Variants in PRKN observed in about 807,000 individuals in gnomAD.
PRKN encodes parkin RBR E3 ubiquitin protein ligase.
Under a neutral mutation model 59.5 loss-of-function variants are expected in PRKN, and 56 were observed. That is an observed-to-expected ratio of 0.94 (90% confidence interval 0.76 to 1.18). The LOEUF (loss-of-function observed/expected upper bound fraction) is 1.18. Among genes scored for constraint, PRKN ranks in the 50% most tolerant of loss-of-function variants. The probability of loss-of-function intolerance (pLI) is 0.00; values close to 1 mark genes in which losing one functional copy is unlikely to be tolerated. For synonymous variants in PRKN, 250 were observed against 222.1 expected, an observed-to-expected ratio of 1.13 and a Z score of -1.12; for missense variants, 657 against 596.4, an observed-to-expected ratio of 1.10 and a Z score of -1.06.
intron 1 of PRKN, among the ~76,000 whole-genome samples, chr6:162,518,541 T>A (rs114023397): frequency 0.09 from 13,615 of 151,944 alleles, 662 homozygotes; most frequent in South Asian, 0.17. Context: ...TAATTTTTGT[T>A]TTTGTAGTAG....
chr6:162,414,358 G>A (rs1436697661), intron 2 of PRKN, among the ~76,000 whole-genome samples: 1 of 151,972 alleles, frequency 6.6e-6, no homozygotes, highest in African/African-American at 2.4e-5. Context: ...GGTTTGAACG[G>A]CTGTTAGGAC....
intron 6 of PRKN, among the ~76,000 whole-genome samples, chr6:161,786,267 C>T (rs890202945): frequency 7.2e-5 from 11 of 152,164 alleles, no homozygotes; most frequent in Middle Eastern, 3.4e-3. Context: ...TCTATTGATC[C>T]GTTATTACAC....
At chr6:161,912,821 G>C (rs1339877650) in intron 6 of PRKN, among the ~76,000 whole-genome samples, 3 of 152,080 alleles carry the variant, frequency 2.0e-5, no homozygotes, top group Admixed American at 2.0e-4. Flanking sequence ...CTGTCCTCAT[G>C]GGGCCCTTTC....
At chr6:162,151,730 AAAAG>A (rs1427974946) in intron 4 of PRKN, among the ~76,000 whole-genome samples, 1 of 152,230 alleles carries the variant, frequency 6.6e-6, no homozygotes, top group Non-Finnish European at 1.5e-5. Flanking sequence ...CACTTTAAGA[AAAAG>A]AAAGAGAGAC....
chr6:162,709,416 T>A (rs1161551558), intron 1 of PRKN, among the ~76,000 whole-genome samples: 1 of 151,708 alleles, frequency 6.6e-6, no homozygotes, highest in Non-Finnish European at 1.5e-5. Context: ...CTTCTCAGGT[T>A]GCTTTCGCAG....
chr6:162,044,833 T>C (rs1413603150), intron 5 of PRKN, among the ~76,000 whole-genome samples: 1 of 152,232 alleles, frequency 6.6e-6, no homozygotes, highest in African/African-American at 2.4e-5. Context: ...TTGTGTTTTC[T>C]GAACTCCATA....
chr6:162,712,970 T>G (rs1778591151), intron 1 of PRKN, among the ~76,000 whole-genome samples: 1 of 152,318 alleles, frequency 6.6e-6, no homozygotes, highest in Middle Eastern at 3.4e-3. Flanking sequence ...TTACCACCAC[T>G]TCACCACACT....
At chr6:161,787,324 A>T (rs956170796) in intron 6 of PRKN, among the ~76,000 whole-genome samples, 1 of 152,186 alleles carries the variant, frequency 6.6e-6, no homozygotes, top group African/African-American at 2.4e-5. Flanking sequence ...CGGTCAACTT[A>T]ATCTGAGCAA....
At position 161,369,672 on chromosome 6, in the gene PRKN, C is replaced by T. The variant is rs537335440; in HGVS notation, c.1168-9467G>A. On this transcript the variant is annotated intron_variant, in intron 10 of 11. Transcript: ENST00000366898. The surrounding 1 kb of genome is among the most constrained non-coding windows in gnomAD (Gnocchi z 5.8). Reference sequence around the variant, plus strand: ...GCATGCATGCATGTGTGTACGCACGCGTGGTGGAGGTGGGGGTGGAACAGG... The same window carrying T: ...GCATGCATGCATGTGTGTACGCACGTGTGGTGGAGGTGGGGGTGGAACAGG... 1.6e-4 allele frequency among the ~76,000 whole-genome samples: 24 copies of T among 152,018 alleles called. No individual in the cohort carries two copies. In the South Asian group the frequency reaches 1.7e-3, roughly 11 times the overall value.
At chr6:162,657,197 T>C (rs1431315500) in intron 1 of PRKN, among the ~76,000 whole-genome samples, 5 of 152,206 alleles carry the variant, frequency 3.3e-5, no homozygotes, top group Non-Finnish European at 7.3e-5. Context: ...CAATTATCCA[T>C]AGTAGATTAT....
chr6:162,091,540 T>C (rs976674336), intron 4 of PRKN, among the ~76,000 whole-genome samples: 3 of 152,208 alleles, frequency 2.0e-5, no homozygotes, highest in Non-Finnish European at 4.4e-5. Flanking sequence ...TGCTTTGCAA[T>C]TCTTACTGAA....
At chr6:162,599,054 G>C (rs1781597602) in intron 1 of PRKN, among the ~76,000 whole-genome samples, 1 of 152,026 alleles carries the variant, frequency 6.6e-6, no homozygotes, top group South Asian at 2.1e-4. Flanking sequence ...TGAGGTCCCA[G>C]TATACATCCT....
rs28510525 is a variant in PRKN at position 161,412,679 on chromosome 6, G to A, written c.1084-25802C>T. Among the ~76,000 whole-genome samples the A allele has an allele frequency of 3.2e-4, 38 of 117,296 alleles. 1 individual carries two copies. The Middle Eastern group carries it at 0.059, about 182-fold the overall frequency. The allele number at this position is 117,296 out of a possible 152,430, so 77.0% of individuals were successfully genotyped here. ...TCATTCCTTCCTCACTCATTCCTCC[G>A]CTCACTCATTCCTTTACTAACTCAT... On this transcript the variant is annotated intron_variant, in intron 9 of 11. Coordinates refer to ENST00000366898, the MANE Select transcript of PRKN (RefSeq NM_004562.3).
Position 162,595,482 on chromosome 6 carries a change from T to C in PRKN, c.7+132180A>G, listed in dbSNP as rs565263139. On this transcript the variant is annotated intron_variant, in intron 1 of 11. Coordinates refer to ENST00000366898, the MANE Select transcript of PRKN (RefSeq NM_004562.3). ...TGTTGGCCAAGCTGGTCTTGAACCC[T>C]TGACCTCAGGTGATCCACCTGCCGC... 2.5e-3 allele frequency among the ~76,000 whole-genome samples: 374 copies of C among 152,072 alleles called. 3 individuals are homozygous for C. The highest frequency in any genetic ancestry group is 7.9e-3 in the African/African-American group (327 of 41,538).
intron 1 of PRKN, among the ~76,000 whole-genome samples, chr6:162,722,922 T>A (rs974742222): frequency 1.3e-5 from 2 of 152,182 alleles, no homozygotes; most frequent in African/African-American, 4.8e-5. Flanking sequence ...TGCAAAACTT[T>A]AGTAGAGCCT....
chr6:161,588,057 T>C lies in PRKN; in HGVS notation c.872-18641A>G, dbSNP rs963145985. Among the ~76,000 whole-genome samples the C allele has an allele frequency of 1.3e-5, 2 of 152,148 alleles. No individual in the cohort carries two copies. The highest frequency in any genetic ancestry group is 2.9e-5 in the Non-Finnish European group (2 of 68,026). On this transcript the variant is annotated intron_variant, in intron 7 of 11. Coordinates refer to ENST00000366898, the MANE Select transcript of PRKN (RefSeq NM_004562.3). The surrounding 1 kb of genome is among the most constrained non-coding windows in gnomAD (Gnocchi z 5.0). ...TATTCTATAAGCATTAATAAGACCA[T>C]GTCAATAGAGCGTTAATTATTAGGA... is the stretch of plus-strand genomic sequence containing the variant.
intron 7 of PRKN, among the ~76,000 whole-genome samples, chr6:161,754,822 G>T (rs1046680605): frequency 3.3e-5 from 5 of 152,166 alleles, no homozygotes; most frequent in African/African-American, 9.7e-5. Context: ...TGCAACTGTC[G>T]TGGTGCCAGA....
chr6:161,855,020 T>C (rs1014915294), intron 6 of PRKN, among the ~76,000 whole-genome samples: 10 of 148,190 alleles, frequency 6.7e-5, no homozygotes, highest in African/African-American at 2.2e-4. Context: ...GAGGTGGAGG[T>C]TGCAGTGAGC....
chr6:161,403,602 G>A (rs1248492465), intron 9 of PRKN, among the ~76,000 whole-genome samples: 1 of 152,198 alleles, frequency 6.6e-6, no homozygotes, highest in Non-Finnish European at 1.5e-5. Context: ...CCATCTCTGT[G>A]AGAATCACTC....
Sources: allele counts gnomAD v4.1 joint callset (sites outside exome capture counted in the v4.1 genomes callset), GRCh38; gene constraint gnomAD v4.1.1; non-coding constraint Gnocchi (gnomAD v3.1); transcripts MANE v1.5; gene names NCBI Gene and HGNC (gene_info 2026-07-23, HGNC 2026-07-21).